Variants in ALCAM observed in about 807,000 individuals in gnomAD.
ALCAM encodes the protein CD166 antigen.
ALCAM carries 30 observed loss-of-function variants against 70.9 expected under a neutral mutation model. The observed-to-expected ratio is 0.42, with a 90% CI of 0.32 to 0.57. The LOEUF (loss-of-function observed/expected upper bound fraction) is 0.57, where lower values mean the gene tolerates loss of function less well. Among genes scored for constraint, ALCAM ranks in the 20% least tolerant of loss-of-function variants. The pLI, the probability that ALCAM is intolerant of heterozygous loss-of-function variation, is 0.11. For synonymous variants in ALCAM, 249 were observed against 242.5 expected, an observed-to-expected ratio of 1.03 and a Z score of -0.25; for missense variants, 591 against 695.1, an observed-to-expected ratio of 0.85 and a Z score of 1.68.
In ALCAM at chr3:105,576,864, T is replaced by C. The variant is rs1253815456; in HGVS notation, c.*2413T>C. The C allele has an allele frequency of 3.3e-5, 5 of 152,208 alleles. No individual in the cohort carries two copies. The highest frequency in any genetic ancestry group is 1.2e-4 in the African/African-American group (5 of 41,464). 9.4% of individuals were successfully genotyped at this position (152,208 alleles called of 1,614,324 possible). A position where few individuals can be genotyped will look rare whatever the true frequency, so the allele number is the denominator to read the frequency against. Reference sequence around the variant, plus strand: ...GTGGAAATGGATTAACATACCCGTCTATGCCTAAAAGATAATAAAACTGAA... The same window carrying C: ...GTGGAAATGGATTAACATACCCGTCCATGCCTAAAAGATAATAAAACTGAA... On this transcript the variant is annotated 3_prime_UTR_variant, in exon 16 of 16. Transcript: ENST00000306107.
At chr3:105,385,581 A>G (rs1935632265) in intron 1 of ALCAM, among the ~76,000 whole-genome samples, 1 of 151,674 alleles carries the variant, frequency 6.6e-6, no homozygotes, top group Admixed American at 6.6e-5. Flanking sequence ...TCTTCTCGAT[A>G]ACTAACATTC....
chr3:105,427,870 T>C (rs930803067), intron 1 of ALCAM, among the ~76,000 whole-genome samples: 1 of 151,934 alleles, frequency 6.6e-6, no homozygotes, highest in African/African-American at 2.4e-5. Context: ...AAAACACCTT[T>C]AAATGATACA....
intron 14 of ALCAM, chr3:105,552,820 C>A: frequency 7.7e-7 from 1 of 1,294,788 alleles, no homozygotes; most frequent in Non-Finnish European, 9.8e-7. Context: ...CAATCAATAG[C>A]CTGAATTCAA....
chr3:105,494,982 A>G, intron 1 of ALCAM, among the ~76,000 whole-genome samples: 1 of 152,014 alleles, frequency 6.6e-6, no homozygotes, highest in South Asian at 2.1e-4. Context: ...CTTTACTCTT[A>G]TGATGCCCCC....
intron 1 of ALCAM, among the ~76,000 whole-genome samples, chr3:105,412,839 A>G (rs1411465332): frequency 6.6e-6 from 1 of 152,132 alleles, no homozygotes; most frequent in Non-Finnish European, 1.5e-5. Flanking sequence ...ATTAGATACA[A>G]AATAAGAACT....
chr3:105,460,382 T>C (rs1379911752), intron 1 of ALCAM, among the ~76,000 whole-genome samples: 1 of 152,080 alleles, frequency 6.6e-6, no homozygotes, highest in Non-Finnish European at 1.5e-5. Context: ...GAGGGCTGCA[T>C]GCCAGACTTG....
At chr3:105,447,493 G>T (rs1416409955) in intron 1 of ALCAM, among the ~76,000 whole-genome samples, 1 of 152,206 alleles carries the variant, frequency 6.6e-6, no homozygotes, top group South Asian at 2.1e-4. Flanking sequence ...GAGCCCAGGA[G>T]CTTGAGACCA....
At chr3:105,562,593 T>G (rs1003258574) in intron 14 of ALCAM, among the ~76,000 whole-genome samples, 11 of 152,172 alleles carry the variant, frequency 7.2e-5, no homozygotes, top group African/African-American at 2.7e-4. Flanking sequence ...GGTCTGTAAT[T>G]TTGTTTTCTT....
At chr3:105,385,709 T>A (rs1260306487) in intron 1 of ALCAM, among the ~76,000 whole-genome samples, 2 of 151,674 alleles carry the variant, frequency 1.3e-5, no homozygotes, top group African/African-American at 4.8e-5. Context: ...TTTAACAATG[T>A]GTGTCAAATT....
intron 13 of ALCAM, 73 bp from the exon 14 acceptor site, chr3:105,552,395 T>C: frequency 6.8e-7 from 1 of 1,479,386 alleles, no homozygotes; most frequent in Non-Finnish European, 9.4e-7. Context: ...TAATACAAAG[T>C]AATAGCTAGA....
chr3:105,569,986 TC>T (rs1379672920), intron 14 of ALCAM, among the ~76,000 whole-genome samples: 1 of 152,072 alleles, frequency 6.6e-6, no homozygotes, highest in Non-Finnish European at 1.5e-5. Context: ...CCAACAAAAG[TC>T]AATAACCTGA....
intron 1 of ALCAM, among the ~76,000 whole-genome samples, chr3:105,426,086 A>G (rs1936783764): frequency 6.6e-6 from 1 of 151,838 alleles, no homozygotes. Context: ...AAAGTTGTGA[A>G]TTGGACACTT....
chr3:105,470,040 AATATAAT>A (rs1937878188), intron 1 of ALCAM, among the ~76,000 whole-genome samples: 1 of 149,816 alleles, frequency 6.7e-6, no homozygotes, highest in African/African-American at 2.4e-5. Context: ...ATTTTATATT[AATATAAT>A]ATATAATAGT....
chr3:105,445,656 G>A (rs184948978), intron 1 of ALCAM, among the ~76,000 whole-genome samples: 1 of 152,206 alleles, frequency 6.6e-6, no homozygotes, highest in East Asian at 1.9e-4. Flanking sequence ...GAACAGAATA[G>A]AGAAGATATA....
chr3:105,497,693 C>T (rs1245781352), intron 1 of ALCAM, among the ~76,000 whole-genome samples: 2 of 151,968 alleles, frequency 1.3e-5, no homozygotes, highest in African/African-American at 4.8e-5. Context: ...GTCACTGAAC[C>T]CATATGTTGC....
chr3:105,551,393 T>A (rs986098355), intron 12 of ALCAM, among the ~76,000 whole-genome samples: 2 of 151,564 alleles, frequency 1.3e-5, no homozygotes, highest in Non-Finnish European at 3.0e-5. Context: ...TTTATCAACA[T>A]TTAATATAGT....
chr3:105,410,434 T>A (rs1313057569), intron 1 of ALCAM, among the ~76,000 whole-genome samples: 1 of 152,080 alleles, frequency 6.6e-6, no homozygotes, highest in Admixed American at 6.6e-5. Context: ...TTCTTGTTCA[T>A]GTACGTGTGT....
intron 1 of ALCAM, among the ~76,000 whole-genome samples, chr3:105,399,894 T>C (rs1034811015): frequency 6.6e-6 from 1 of 152,196 alleles, no homozygotes; most frequent in Non-Finnish European, 1.5e-5. Context: ...TTAACTTGGT[T>C]AGCAGACAGC....
In ALCAM at chr3:105,539,983, G is replaced by A; in HGVS notation, c.739G>A (p.Glu247Lys). The A allele has an allele frequency of 6.2e-7, 1 of 1,612,220 alleles. No homozygotes were observed. Among genetic ancestry groups the A allele is most frequent in the Non-Finnish European group, 8.5e-7 (1 of 1,178,758 alleles). The change falls in exon 7 of 16, where the codon GAG (glutamate) becomes AAG (lysine). Residue 247 changes from glutamate to lysine, a missense_variant. Around this residue, in one of 2 missense-constraint regions of ALCAM, gnomAD observed 427 missense variants for 450.4 expected, o/e 0.95. Transcript: ENST00000306107. ...GTCTGTAACTCTTACAGATCCTACA[G>A]AGCAGGTGACAATACAAGTGCTGCC... ...QAVFDIYYPT[E>K]QVTIQVLPPK...
Sources: allele counts gnomAD v4.1 joint callset (sites outside exome capture counted in the v4.1 genomes callset), GRCh38; gene constraint gnomAD v4.1.1; regional missense constraint gnomAD v4.1.1; transcripts MANE v1.5; gene names NCBI Gene and HGNC (gene_info 2026-07-23, HGNC 2026-07-21).